The following LYSMD4 variants were observed in gnomAD, a reference collection of about 807,000 sequenced individuals.
The protein encoded by LYSMD4 is LysM domain containing 4.
Under a neutral mutation model 6.1 loss-of-function variants are expected in LYSMD4, and 9 were observed. That is an observed-to-expected ratio of 1.47 (90% CI 0.88 to 2.56). LYSMD4 has a LOEUF of 2.56. LYSMD4 is among the 30% of genes most tolerant of loss of function. The pLI is 0.00. For synonymous variants in LYSMD4, 143 were observed against 148.5 expected (o/e 0.96, Z 0.27); for missense variants, 384 against 373.5 (o/e 1.03, Z -0.23).
At chr15:99,716,229 G>A (rs1468219966) in exon 1 of LYSMD4, 1 of 263,350 alleles carries the variant, frequency 3.8e-6, no homozygotes, top group South Asian at 4.1e-5. Context: ...GTAGTCAACA[G>A]TTCACACAAG....
chr15:99,723,508 G>A (rs1209871791), downstream of LYSMD4, among the ~76,000 whole-genome samples: 1 of 152,188 alleles, frequency 6.6e-6, no homozygotes, highest in Non-Finnish European at 1.5e-5. Flanking sequence ...AGAGACTGCT[G>A]TTCCCAGGAC....
Position 99,733,400 on chromosome 15 carries a change from G to GCCACC in LYSMD4, c.-65_-64insGGTGG, listed in dbSNP as rs1443877393. 13 of 395,708 alleles carry GCCACC rather than the reference G, an allele frequency of 3.3e-5. No homozygotes were observed. The highest frequency in any genetic ancestry group is 1.3e-4 in the South Asian group (1 of 7,848). 24.5% of individuals were successfully genotyped at this position (395,708 alleles called of 1,614,324 possible). A position where few individuals can be genotyped will look rare whatever the true frequency, so the allele number is the denominator to read the frequency against. On this transcript the variant is annotated 5_prime_UTR_variant, in exon 1 of 3. Transcript: ENST00000684762. ...ACCGGCGACTCGCGACCCGCGACCC[G>GCCACC]CGACCCGCAGCTGCCACCGCGCCTG...
At chr15:99,721,022 G>C (rs2059233505), upstream of LYSMD4, 1 of 152,122 alleles carries the variant, frequency 6.6e-6, no homozygotes, top group African/African-American at 2.4e-5. Flanking sequence ...AACCAAAATA[G>C]AACAAAACTA....
chr15:99,728,609 TG>T lies in LYSMD4; in HGVS notation c.*513del, dbSNP rs1039179217. ...CAATATGAAGTAGGCTTGTTACAAC[TG>T]TAACTGTCACTCTCTAAAACAGGGT... On this transcript the variant is annotated 3_prime_UTR_variant, in exon 3 of 3. Transcript: ENST00000684762. The T allele has an allele frequency of 5.9e-6, 1 of 170,362 alleles. No individual in the cohort carries two copies. Among genetic ancestry groups the T allele is most frequent in the African/African-American group, 2.4e-5 (1 of 42,140 alleles). The allele number at this position is 170,362 out of a possible 1,614,324, so 10.6% of individuals were successfully genotyped here. A position where few individuals can be genotyped will look rare whatever the true frequency, so the allele number is the denominator to read the frequency against.
upstream of LYSMD4, among the ~76,000 whole-genome samples, chr15:99,719,987 T>C (rs1159299268): frequency 1.3e-5 from 2 of 152,206 alleles, no homozygotes; most frequent in African/African-American, 4.8e-5. Context: ...TGTGTGAATT[T>C]CTGTTCTTTT....
exon 1 of LYSMD4, chr15:99,716,488 G>A (rs2059165977): frequency 2.2e-6 from 1 of 456,686 alleles, no homozygotes; most frequent in Admixed American, 2.3e-5. Context: ...CTCTTCCTGT[G>A]CGTCGAGACT....
At chr15:99,733,071 T>C in intron 1 of LYSMD4, 1 of 342,332 alleles carries the variant, frequency 2.9e-6, no homozygotes, top group Non-Finnish European at 5.3e-6. Flanking sequence ...GACAGGAAAA[T>C]GGGGAGCGGC....
chr15:99,728,909 A>G lies in LYSMD4; in HGVS notation c.*214T>C. 1 of 621,866 alleles carries G rather than the reference A, an allele frequency of 1.6e-6. No homozygotes were observed. The highest frequency in any genetic ancestry group is 2.9e-5 in the Admixed American group (1 of 33,984). The allele number at this position is 621,866 out of a possible 1,614,324, so 38.5% of individuals were successfully genotyped here. The stretch of plus-strand genomic sequence containing the variant: ...GCTCTCTTGCTGCACCTCTCTGGAT[A>G]GGGGCCGAGGTCGCTGCTGTTTTAG... On this transcript the variant is annotated 3_prime_UTR_variant, in exon 3 of 3. Transcript: ENST00000684762.
downstream of LYSMD4, among the ~76,000 whole-genome samples, chr15:99,723,318 TCA>T (rs1384680913): frequency 6.6e-6 from 1 of 152,200 alleles, no homozygotes; most frequent in African/African-American, 2.4e-5. Context: ...CCGAGGCCCC[TCA>T]GAATCACACA....
downstream of LYSMD4, among the ~76,000 whole-genome samples, chr15:99,723,530 C>T (rs2059253697): frequency 6.6e-6 from 1 of 152,200 alleles, no homozygotes; most frequent in South Asian, 2.1e-4. Context: ...AGCCTGTTTG[C>T]CTTGCCCTGC....
chr15:99,718,130 T>C (rs987108606), upstream of LYSMD4, among the ~76,000 whole-genome samples: 1 of 152,242 alleles, frequency 6.6e-6, no homozygotes, highest in Non-Finnish European at 1.5e-5. Flanking sequence ...CACATTCCCT[T>C]TGTCACTTGT....
At position 99,729,598 on chromosome 15, in the gene LYSMD4, G is replaced by A. The variant is rs770495695; in HGVS notation, c.416C>T (p.Pro139Leu). Residue 139 changes from proline (P) to leucine (L), a missense_variant, in exon 3 of 3, where the codon CCG becomes CTG. Pro to Leu is a moderately conservative substitution (Grantham distance 98). Transcript: ENST00000684762. ...THKELKPLLSPSSETTVTVEL... is the reference protein window; with the variant it reads ...THKELKPLLSLSSETTVTVEL... ...CACGGTCACTGTGGTCTCGGAAGAC[G>A]GGCTCAGAAGGGGTTTCAGTTCTTT... The A allele has an allele frequency of 1.2e-5, 20 of 1,614,012 alleles. No homozygotes were observed. Among genetic ancestry groups the A allele is most frequent in the Admixed American group, 1.2e-4 (7 of 60,004 alleles).
chr15:99,723,506 C>T (rs765623626), downstream of LYSMD4, among the ~76,000 whole-genome samples: 131 of 152,334 alleles, frequency 8.6e-4, no homozygotes, highest in Non-Finnish European at 1.7e-3. Flanking sequence ...GGAGAGACTG[C>T]TGTTCCCAGG....
At chr15:99,719,235 C>G (rs1226647719), upstream of LYSMD4, among the ~76,000 whole-genome samples, 3 of 152,172 alleles carry the variant, frequency 2.0e-5, no homozygotes, top group East Asian at 5.8e-4. Context: ...AGTTCCCAGT[C>G]CCTTCAGTGT....
downstream of LYSMD4, among the ~76,000 whole-genome samples, chr15:99,726,580 C>A (rs976724808): frequency 1.3e-5 from 2 of 152,128 alleles, no homozygotes; most frequent in Non-Finnish European, 2.9e-5. Context: ...GGCCGGGCCA[C>A]ACCTTCCTCA....
chr15:99,727,710 T>C lies in LYSMD4; in HGVS notation c.*1413A>G, dbSNP rs567817440. The stretch of plus-strand genomic sequence containing the variant: ...ATTTGCTAATGGAACCCAGGCCAGC[T>C]GTTTTTTCACACAACTGAAAGGAGA... On this transcript the variant is annotated 3_prime_UTR_variant, in exon 3 of 3. Transcript: ENST00000684762. 2 of 152,360 alleles carry C rather than the reference T, an allele frequency of 1.3e-5. No homozygotes were observed. Among genetic ancestry groups the C allele is most frequent in the Admixed American group, 1.3e-4 (2 of 15,304 alleles). 9.4% of individuals were successfully genotyped at this position (152,360 alleles called of 1,614,324 possible).
At chr15:99,731,566 T>TGACTAGTTGATATAATACA in intron 2 of LYSMD4, 152 bp downstream of exon 2, 1 of 1,529,744 alleles carries the variant, frequency 6.5e-7, no homozygotes, top group East Asian at 2.3e-5. Flanking sequence ...TGCATTCCAA[T>TGACTAGTTGATATAATACA]TCTGGCTAAA....
Position 99,731,387 on chromosome 15 carries a change from G to A in LYSMD4, c.282+331C>T, listed in dbSNP as rs145468893. ...GAAATCCGGAATTAAATTCTGCCTG[G>A]TATCTCCAGCCCCATTAGGTCTAAA... On this transcript the variant is annotated intron_variant, in intron 2 of 2. Coordinates refer to ENST00000684762, the MANE Select transcript of LYSMD4 (RefSeq NM_001284417.2). 1.2e-3 allele frequency: 1,896 copies of A among 1,613,306 alleles called. 4 individuals are homozygous for A. Among genetic ancestry groups the A allele is most frequent in the Admixed American group, 1.6e-3 (98 of 59,836 alleles).
At chr15:99,730,073 G>A (rs776318390) in intron 2 of LYSMD4, among the ~76,000 whole-genome samples, 1 of 152,230 alleles carries the variant, frequency 6.6e-6, no homozygotes, top group African/African-American at 2.4e-5. Context: ...GGCACTGAAA[G>A]GAATGTTGCA....
Sources: allele counts gnomAD v4.1 joint callset (sites outside exome capture counted in the v4.1 genomes callset), GRCh38; gene constraint gnomAD v4.1.1; transcripts MANE v1.5; gene names NCBI Gene and HGNC (gene_info 2026-07-23, HGNC 2026-07-21).